The following SIAE variants were observed in gnomAD, a reference collection of about 807,000 sequenced individuals.
SIAE encodes the protein sialate O-acetylesterase.
Under a neutral mutation model 52.6 loss-of-function variants are expected in SIAE, and 39 were observed. That is an observed-to-expected ratio of 0.74 (90% confidence interval 0.57 to 0.97). The LOEUF (loss-of-function observed/expected upper bound fraction) is 0.97, where lower values mean the gene tolerates loss of function less well. SIAE is among the 50% of genes least tolerant of loss of function. The probability of loss-of-function intolerance (pLI) is 0.00; values close to 1 mark genes in which losing one functional copy is unlikely to be tolerated. For synonymous variants in SIAE, 233 were observed against 241.4 expected (o/e 0.97, Z 0.32); for missense variants, 592 against 662.1 (o/e 0.89, Z 1.16).
chr11:124,663,356 C>A (rs970401872), intron 2 of SIAE, among the ~76,000 whole-genome samples: 1 of 152,162 alleles, frequency 6.6e-6, no homozygotes, highest in East Asian at 1.9e-4. Context: ...GCAGGCGGAT[C>A]ACAAGGTCAA....
chr11:124,659,230 C>A (rs557274098), intron 3 of SIAE: 1 of 152,234 alleles, frequency 6.6e-6, no homozygotes, highest in Non-Finnish European at 1.5e-5. Context: ...TAGATACAAA[C>A]AGATCTGGTC....
chr11:124,633,451 T>C lies in SIAE; in HGVS notation c.*3500A>G, dbSNP rs995632668. ...ACAAAAGGACCCAGAAGTAGAAGAA[T>C]GGGGATGGAGTGGTGAGAATTGAAT... is the stretch of plus-strand genomic sequence containing the variant. On this transcript the variant is annotated 3_prime_UTR_variant, in exon 10 of 10. Coordinates refer to ENST00000263593, the MANE Select transcript of SIAE (RefSeq NM_170601.5). 2 of 152,226 alleles carry C rather than the reference T, an allele frequency of 1.3e-5. No homozygotes were observed. The highest frequency in any genetic ancestry group is 1.3e-4 in the Admixed American group (2 of 15,282). 9.4% of individuals were successfully genotyped at this position (152,226 alleles called of 1,614,324 possible).
Position 124,635,715 on chromosome 11 carries a change from A to G in SIAE, c.*1236T>C, listed in dbSNP as rs115832018. 8 of 152,232 alleles carry G rather than the reference A, an allele frequency of 5.3e-5. No individual in the cohort carries two copies. Among genetic ancestry groups the G allele is most frequent in the Non-Finnish European group, 1.0e-4 (7 of 68,042 alleles). The allele number at this position is 152,232 out of a possible 1,614,324, so 9.4% of individuals were successfully genotyped here. A position where few individuals can be genotyped will look rare whatever the true frequency, so the allele number is the denominator to read the frequency against. ...TCATTTTTCACATTAAGGGGAGGAA[A>G]GCTACCCATAGATAGTATTCTTACT... On this transcript the variant is annotated 3_prime_UTR_variant, in exon 10 of 10. Transcript: ENST00000263593.
intron 2 of SIAE, among the ~76,000 whole-genome samples, chr11:124,664,249 T>C (rs939134817): frequency 6.6e-6 from 1 of 151,634 alleles, no homozygotes; most frequent in African/African-American, 2.4e-5. Context: ...TTTTTTTTTT[T>C]TGAGACAGAG....
intron 5 of SIAE, among the ~76,000 whole-genome samples, chr11:124,648,770 C>T (rs1235683289): frequency 2.0e-5 from 3 of 152,278 alleles, no homozygotes; most frequent in East Asian, 1.9e-4. Flanking sequence ...CCCACACCCT[C>T]GGGATTATCC....
In SIAE at chr11:124,637,140, G is replaced by T. The variant is rs1942760969; in HGVS notation, c.1383C>A (p.Thr461=). The change falls in exon 10 of 10, where the codon ACC becomes ACA. Residue 461 remains threonine (T), a synonymous_variant. Transcript: ENST00000263593. ...WLPASMNTVS[T]QSLTLAIDSC... ...AATCGATCGCCAGGGTCAGGGACTG[G>T]GTGGAGACGGTGTTCATAGAAGCTG... 6.2e-7 allele frequency: 1 copy of T among 1,614,052 alleles called. No homozygotes were observed. The highest frequency in any genetic ancestry group is 1.3e-5 in the African/African-American group (1 of 74,922).
rs200992862 is a variant in SIAE at position 124,673,728 on chromosome 11, C to G, written c.-20G>C. ...GACCATGCTTGCAAGGATCTGACCG[C>G]CGCCTAGGACTGGGAAAGTGGGTTC... On this transcript the variant is annotated 5_prime_UTR_variant, in exon 1 of 10. Coordinates refer to ENST00000263593, the MANE Select transcript of SIAE (RefSeq NM_170601.5). 6.2e-7 allele frequency: 1 copy of G among 1,612,152 alleles called. No homozygotes were observed. Among genetic ancestry groups the G allele is most frequent in the Non-Finnish European group, 8.5e-7 (1 of 1,179,260 alleles).
In SIAE at chr11:124,633,388, C is replaced by G. The variant is rs1942653392; in HGVS notation, c.*3563G>C. The G allele has an allele frequency of 6.6e-6, 1 of 152,266 alleles. No homozygotes were observed. The highest frequency in any genetic ancestry group is 2.4e-5 in the African/African-American group (1 of 41,442). 9.4% of individuals were successfully genotyped at this position (152,266 alleles called of 1,614,324 possible). A position where few individuals can be genotyped will look rare whatever the true frequency, so the allele number is the denominator to read the frequency against. ...CTACCTGTGGGATGCCTTAGTTACC[C>G]AGCAGCAGGTTACCAAGGGCTGTCT... On this transcript the variant is annotated 3_prime_UTR_variant, in exon 10 of 10. Transcript: ENST00000263593.
intron 7 of SIAE, among the ~76,000 whole-genome samples, chr11:124,643,224 G>C (rs1942876599): frequency 6.6e-6 from 1 of 152,204 alleles, no homozygotes. Context: ...TGCCTAGCGT[G>C]CTTAAAGAAA....
rs1449496836 is a variant in SIAE, at chr11:124,660,786, T to A, written c.247A>T (p.Met83Leu). Residue 83 changes from methionine to leucine, a missense_variant, in exon 3 of 10, where the codon ATG (methionine) becomes TTG (leucine). Met to Leu is a conservative substitution (Grantham distance 15). Coordinates refer to ENST00000263593, the MANE Select transcript of SIAE (RefSeq NM_170601.5). ...GGCTTCATAGGATCCAGTACCACCA[T>A]CCACGTATCAGAGTGAGCTGAAATA... The part of the protein sequence containing the change: ...TSVKAHSDTW[M>L]VVLDPMKPGG... The A allele has an allele frequency of 6.2e-7, 1 of 1,614,042 alleles. No individual in the cohort carries two copies. Among genetic ancestry groups the A allele is most frequent in the East Asian group, 2.2e-5 (1 of 44,892 alleles).
chr11:124,673,085 A>G lies in SIAE; in HGVS notation c.67+557T>C, dbSNP rs543312212. ...ACATTTTCCCACCACCAATATCTGT[A>G]AGCGGTACCAGAAATCAAAACTGAG... On this transcript the variant is annotated intron_variant, in intron 1 of 9. Coordinates refer to ENST00000263593, the MANE Select transcript of SIAE (RefSeq NM_170601.5). 5.3e-5 allele frequency among the ~76,000 whole-genome samples: 8 copies of G among 152,272 alleles called. No individual in the cohort carries two copies. The East Asian group carries it at 1.2e-3, about 22-fold the overall frequency.
chr11:124,666,408 C>T (rs1464558207), intron 2 of SIAE, among the ~76,000 whole-genome samples: 2 of 152,164 alleles, frequency 1.3e-5, no homozygotes, highest in East Asian at 1.9e-4. Context: ...ACCTCCTTTA[C>T]TCCAATTAAC....
At chr11:124,639,453 C>T (rs1178086067) in intron 8 of SIAE, among the ~76,000 whole-genome samples, 2 of 152,222 alleles carry the variant, frequency 1.3e-5, no homozygotes, top group African/African-American at 2.4e-5. Flanking sequence ...CTCTATTGCT[C>T]TGGGTCTATG....
chr11:124,647,254 C>G (rs1284213513), intron 7 of SIAE, 111 bp downstream of exon 7: 1 of 1,450,874 alleles, frequency 6.9e-7, no homozygotes, highest in African/African-American at 1.4e-5. Flanking sequence ...AAGATGAAAT[C>G]CAGGAAAGAG....
intron 7 of SIAE, among the ~76,000 whole-genome samples, chr11:124,640,977 C>G (rs1014791607): frequency 1.3e-5 from 2 of 152,164 alleles, no homozygotes; most frequent in African/African-American, 4.8e-5. Flanking sequence ...CACCCAAACC[C>G]CAGCTCCCCA....
At chr11:124,648,785 C>A (rs1942977064) in intron 5 of SIAE, among the ~76,000 whole-genome samples, 2 of 152,128 alleles carry the variant, frequency 1.3e-5, no homozygotes, top group Admixed American at 6.5e-5. Context: ...TTATCCCTTC[C>A]ACCCCCAGAG....
chr11:124,652,312 T>C, intron 4 of SIAE, among the ~76,000 whole-genome samples: 1 of 152,162 alleles, frequency 6.6e-6, no homozygotes, highest in Non-Finnish European at 1.5e-5. Context: ...GAGAGTGTCC[T>C]GGCTCATCTA....
chr11:124,651,615 A>G (rs1016336982), intron 4 of SIAE, among the ~76,000 whole-genome samples: 1 of 152,144 alleles, frequency 6.6e-6, no homozygotes, highest in Non-Finnish European at 1.5e-5. Flanking sequence ...GATGGTAAGT[A>G]CAAACAAGTA....
Position 124,638,646 on chromosome 11 carries a change from C to A in SIAE, c.1216G>T (p.Gly406Ter), listed in dbSNP as rs368970820. The A allele has an allele frequency of 6.2e-6, 10 of 1,613,978 alleles. No individual in the cohort carries two copies. The highest frequency in any genetic ancestry group is 2.7e-5 in the African/African-American group (2 of 74,906). The stretch of plus-strand genomic sequence containing the variant: ...AGTTCTATCTTCTCAGGCAGTGGTC[C>A]TTCAAAGGTCAAATTCTTCTCACCA... ...AYGEKNLTFE[G>*]PLPEKIELLA... Residue 406 changes from glycine to a stop codon, truncating the protein, a stop_gained, in exon 9 of 10, where the codon GGA (glycine) becomes TGA (stop). Transcript: ENST00000263593. LOFTEE classifies it high-confidence loss of function.
Sources: gnomAD v4.1 joint callset for allele counts (sites outside exome capture counted in the v4.1 genomes callset) on GRCh38, gnomAD v4.1.1 for gene constraint, MANE v1.5 for transcripts, NCBI Gene and HGNC (gene_info 2026-07-23, HGNC 2026-07-21) for gene names.